Variants in STK24 observed in about 807,000 individuals in gnomAD.
The protein encoded by STK24 is serine/threonine-protein kinase 24.
Under a neutral mutation model 55.6 loss-of-function variants are expected in STK24, and 21 were observed. That is an observed-to-expected ratio of 0.38 (90% CI 0.27 to 0.54). STK24 has a LOEUF of 0.54. STK24 is among the 20% of genes least tolerant of loss of function. The pLI is 0.79. For missense variants in STK24, 383 were observed against 538.4 expected, an observed-to-expected ratio of 0.71 and a Z score of 2.86; for synonymous variants, 200 against 215.2, an observed-to-expected ratio of 0.93 and a Z score of 0.62.
rs1378336164 is a variant in STK24, at chr13:98,446,946, G to C, written c.*6227C>G. On this transcript the variant is annotated 3_prime_UTR_variant, in exon 11 of 11. Transcript: ENST00000539966. ...CTGCCAACTAAGCGTTTAGACCTGG[G>C]GTCCCACTGCCCGACACCAGCAGGC... 1.0e-6 allele frequency: 1 copy of C among 988,540 alleles called. No homozygotes were observed. Among genetic ancestry groups the C allele is most frequent in the East Asian group, 2.5e-5 (1 of 39,874 alleles). The allele number at this position is 988,540 out of a possible 1,614,324, so 61.2% of individuals were successfully genotyped here.
At chr13:98,563,965 C>T (rs944011349) in intron 1 of STK24, among the ~76,000 whole-genome samples, 1 of 151,766 alleles carries the variant, frequency 6.6e-6, no homozygotes, top group African/African-American at 2.4e-5. Flanking sequence ...AACCCCAAAA[C>T]CCTCAAATAA....
At chr13:98,492,067 G>A (rs1015884656) in intron 2 of STK24, among the ~76,000 whole-genome samples, 7 of 83,030 alleles carry the variant, frequency 8.4e-5, no homozygotes, top group African/African-American at 3.2e-4. Context: ...CTCCTTTAAA[G>A]TGCGTGCGCG....
intron 10 of STK24, chr13:98,454,003 T>C (rs573530544): frequency 6.6e-6 from 1 of 152,198 alleles, no homozygotes; most frequent in Non-Finnish European, 1.5e-5. Flanking sequence ...TTGAGCCCCA[T>C]GCTGGCGCTC....
chr13:98,556,715 C>T (rs1340213789), intron 1 of STK24, among the ~76,000 whole-genome samples: 1 of 152,136 alleles, frequency 6.6e-6, no homozygotes, highest in Non-Finnish European at 1.5e-5. Flanking sequence ...CACCTAGAGG[C>T]TTCTACCCGA....
At chr13:98,482,412 TG>T in intron 2 of STK24, 91 bp from the exon 3 acceptor site, 1 of 703,462 alleles carries the variant, frequency 1.4e-6, no homozygotes, top group East Asian at 2.8e-5. Flanking sequence ...ACAATTATAT[TG>T]GAACTAGAAA....
At chr13:98,509,247 A>C (rs1223378509) in intron 2 of STK24, among the ~76,000 whole-genome samples, 2 of 152,242 alleles carry the variant, frequency 1.3e-5, no homozygotes, top group Non-Finnish European at 2.9e-5. Context: ...AAATAAACAT[A>C]AAATACTGTT....
chr13:98,457,015 A>G (rs1197329215), intron 10 of STK24, 153 bp downstream of exon 10: 1 of 935,082 alleles, frequency 1.1e-6, no homozygotes, highest in African/African-American at 1.7e-5. Context: ...AGAATTCAGA[A>G]CAAAGTCTCC....
chr13:98,519,532 T>C, intron 1 of STK24, 59 bp from the exon 2 acceptor site: 3 of 1,322,256 alleles, frequency 2.3e-6, no homozygotes, highest in Non-Finnish European at 3.2e-6. Context: ...CACAACTCCT[T>C]TGTCAATTTT....
intron 5 of STK24, among the ~76,000 whole-genome samples, chr13:98,473,985 T>C (rs1894266012): frequency 1.3e-5 from 2 of 152,146 alleles, no homozygotes; most frequent in South Asian, 4.2e-4. Flanking sequence ...CTGAGTTAGG[T>C]ATTTGTTTGC....
chr13:98,502,275 C>T (rs1232109058), intron 2 of STK24, among the ~76,000 whole-genome samples: 2 of 152,148 alleles, frequency 1.3e-5, no homozygotes, highest in Admixed American at 6.5e-5. Context: ...TGGCCCGAAG[C>T]AGAGCAGCTG....
At chr13:98,466,333 A>C in intron 6 of STK24, 43 bp downstream of exon 6, 2 of 1,592,096 alleles carry the variant, frequency 1.3e-6, no homozygotes, top group Non-Finnish European at 1.7e-6. Context: ...AACCAAGTCA[A>C]GCCGCACATG....
At chr13:98,527,441 C>T (rs72645187) in intron 1 of STK24, among the ~76,000 whole-genome samples, 28,025 of 152,172 alleles carry the variant, frequency 0.18, 2,777 homozygotes, top group Non-Finnish European at 0.23. Context: ...GGCAAGGTGC[C>T]GGGAATCATG....
At chr13:98,499,249 C>A (rs1422662379) in intron 2 of STK24, among the ~76,000 whole-genome samples, 10 of 146,256 alleles carry the variant, frequency 6.8e-5, no homozygotes, top group Non-Finnish European at 1.1e-4. Context: ...AAAAAAAAAA[C>A]CAGCTTCAAG....
chr13:98,454,586 AAAG>A (rs1185834112), intron 10 of STK24: 2 of 152,236 alleles, frequency 1.3e-5, no homozygotes, highest in Admixed American at 6.5e-5. Flanking sequence ...ATGTCACACA[AAAG>A]AATCCAAACA....
intron 2 of STK24, among the ~76,000 whole-genome samples, chr13:98,506,220 C>T (rs551940318): frequency 2.6e-5 from 4 of 152,258 alleles, no homozygotes; most frequent in African/African-American, 4.8e-5. Flanking sequence ...CTCTAGAGCC[C>T]GACGGGTCTG....
intron 1 of STK24, among the ~76,000 whole-genome samples, chr13:98,531,951 T>C (rs552383937): frequency 9.2e-5 from 14 of 152,160 alleles, no homozygotes; most frequent in Non-Finnish European, 1.9e-4. Flanking sequence ...CCCTGCTGCA[T>C]GTGGCTAGGG....
intron 1 of STK24, among the ~76,000 whole-genome samples, chr13:98,532,813 T>C (rs1481574197): frequency 1.3e-5 from 2 of 152,238 alleles, no homozygotes; most frequent in African/African-American, 4.8e-5. Context: ...ATGTAAGTTC[T>C]TCCTAGTCTG....
At chr13:98,553,938 T>C (rs1317364581) in intron 1 of STK24, among the ~76,000 whole-genome samples, 2 of 151,996 alleles carry the variant, frequency 1.3e-5, no homozygotes, top group East Asian at 3.9e-4. Context: ...GGCAGGTGCC[T>C]GTTATCTCAG....
intron 2 of STK24, among the ~76,000 whole-genome samples, chr13:98,518,423 T>G (rs1896144740): frequency 6.6e-6 from 1 of 152,256 alleles, no homozygotes; most frequent in African/African-American, 2.4e-5. Context: ...TCATCATTTC[T>G]TTCTTCATAG....
Sources: allele counts gnomAD v4.1 joint callset (sites outside exome capture counted in the v4.1 genomes callset), GRCh38; gene constraint gnomAD v4.1.1; transcripts MANE v1.5; gene names NCBI Gene and HGNC (gene_info 2026-07-23, HGNC 2026-07-21).